Variants in MED4 observed in about 807,000 individuals in gnomAD.
MED4 encodes mediator of RNA polymerase II transcription subunit 4.
MED4 carries 21 observed loss-of-function variants against 35.0 expected under a neutral mutation model. That is an observed-to-expected ratio of 0.60 (90% CI 0.43 to 0.86). The LOEUF (loss-of-function observed/expected upper bound fraction) is 0.86. MED4 is among the 40% of genes least tolerant of loss of function. The pLI is 0.00. For missense variants in MED4, 300 were observed against 319.4 expected (o/e 0.94, Z 0.46); for synonymous variants, 138 against 114.0 (o/e 1.21, Z -1.34).
In MED4 at chr13:48,079,971, G is replaced by C; in HGVS notation, c.513C>G (p.Asp171Glu). The change falls in exon 6 of 7, where the codon GAC (aspartate) becomes GAG (glutamate). Residue 171 changes from aspartate (D) to glutamate (E), a missense_variant. By Grantham distance (45) the Asp-to-Glu change is conservative (BLOSUM62 2). Coordinates refer to ENST00000258648, the MANE Select transcript of MED4 (RefSeq NM_014166.4). Reference protein sequence around the residue: ...VCAPLTWVPGDPRRPYPTDLE... With the variant: ...VCAPLTWVPGEPRRPYPTDLE... ...AATCAGTTGGGTAGGGTCTCCGGGG[G>C]TCCCCTAAAACAATAAAGACTGCAT... 1 of 1,612,318 alleles carries C rather than the reference G, an allele frequency of 6.2e-7. No individual in the cohort carries two copies. Among genetic ancestry groups the C allele is most frequent in the Non-Finnish European group, 8.5e-7 (1 of 1,179,116 alleles).
rs533577766 is a variant in MED4 at position 48,083,286 on chromosome 13, G to A, written c.421+85C>T. The A allele has an allele frequency of 1.7e-5, 17 of 1,026,950 alleles. No homozygotes were observed. The East Asian group carries it at 4.3e-4, about 26-fold the overall frequency. 63.6% of individuals were successfully genotyped at this position (1,026,950 alleles called of 1,614,324 possible). On this transcript the variant is annotated intron_variant, in intron 4 of 6. Transcript: ENST00000258648. ...CTGAATCTTTTCAACAGCAGCAAATGATTATCAGTAATATCCTCTTGTATT... is the reference window on the plus strand; with the variant it reads ...CTGAATCTTTTCAACAGCAGCAAATAATTATCAGTAATATCCTCTTGTATT...
chr13:48,079,833 C>T lies in MED4; in HGVS notation c.640+11G>A. The T allele has an allele frequency of 1.2e-6, 2 of 1,612,722 alleles. No individual in the cohort carries two copies. The highest frequency in any genetic ancestry group is 1.7e-6 in the Non-Finnish European group (2 of 1,179,096). ...TGATCTGTTTGAAAACACTCTTCGG[C>T]TTAACATTACCTGGCAATCTTCCTG... On this transcript the variant is annotated intron_variant, in intron 6 of 6. Transcript: ENST00000258648.
In MED4 at chr13:48,083,570, G is replaced by A. The variant is rs572352545; in HGVS notation, c.364-142C>T. The stretch of plus-strand genomic sequence containing the variant: ...CCCAACAATTTATTTGTAATGTTCT[G>A]AAATACCACTTGACATTATTTATTT... On this transcript the variant is annotated intron_variant, in intron 3 of 6. Coordinates refer to ENST00000258648, the MANE Select transcript of MED4 (RefSeq NM_014166.4). 368 of 584,168 alleles carry A rather than the reference G, an allele frequency of 6.3e-4. 1 individual carries two copies. Among genetic ancestry groups the A allele is most frequent in the Non-Finnish European group, 1.3e-4 (45 of 337,658 alleles). 36.2% of individuals were successfully genotyped at this position (584,168 alleles called of 1,614,324 possible).
At chr13:48,093,078 C>T (rs1345672254) in intron 1 of MED4, among the ~76,000 whole-genome samples, 8 of 152,206 alleles carry the variant, frequency 5.3e-5, no homozygotes, top group Non-Finnish European at 1.2e-4. Flanking sequence ...AAGGTGCATT[C>T]CCAGCATACT....
chr13:48,091,831 C>T (rs886890993), intron 1 of MED4, among the ~76,000 whole-genome samples: 3 of 152,114 alleles, frequency 2.0e-5, no homozygotes, highest in Non-Finnish European at 4.4e-5. Flanking sequence ...AGTGGGTTGG[C>T]TACTTCAATA....
intron 2 of MED4, among the ~76,000 whole-genome samples, chr13:48,089,902 C>T (rs888678181): frequency 6.6e-6 from 1 of 152,182 alleles, no homozygotes; most frequent in Non-Finnish European, 1.5e-5. Context: ...TACTTTCACC[C>T]CTATAAGGCA....
At chr13:48,090,069 A>G (rs1303546659) in intron 2 of MED4, among the ~76,000 whole-genome samples, 1 of 152,216 alleles carries the variant, frequency 6.6e-6, no homozygotes, top group Non-Finnish European at 1.5e-5. Context: ...GTTAATTCAA[A>G]GGACAAAAAT....
intron 1 of MED4, 88 bp downstream of exon 1, chr13:48,094,866 C>A: frequency 2.6e-6 from 4 of 1,555,474 alleles, no homozygotes; most frequent in East Asian, 2.3e-5. Context: ...CGCCGAACCC[C>A]GAGAACGAGC....
chr13:48,086,450 G>A lies in MED4; in HGVS notation c.195C>T (p.Val65=), dbSNP rs1950849469. The A allele has an allele frequency of 6.2e-7, 1 of 1,612,528 alleles. No individual in the cohort carries two copies. Residue 65 remains valine (V), a splice_region_variant and synonymous_variant, in exon 3 of 7, where the codon GTC becomes GTT. Transcript: ENST00000258648. Reference sequence around the variant, plus strand: ...CATCTCGGTGAATTAACAACTCCAGGACCTGTCAGATAACAGTCAATTAAA... The same window carrying A: ...CATCTCGGTGAATTAACAACTCCAGAACCTGTCAGATAACAGTCAATTAAA... The part of the protein sequence containing the change: ...KLLQAGEENQ[V]LELLIHRDGE...
chr13:48,089,841 C>T (rs1243075022), intron 2 of MED4, among the ~76,000 whole-genome samples: 2 of 152,176 alleles, frequency 1.3e-5, no homozygotes, highest in African/African-American at 2.4e-5. Context: ...TCTGTTCACC[C>T]ACCATGGAAA....
chr13:48,087,622 T>C (rs987221253), intron 2 of MED4, among the ~76,000 whole-genome samples: 2 of 151,726 alleles, frequency 1.3e-5, no homozygotes, highest in Admixed American at 1.3e-4. Flanking sequence ...GAGGCCGAGG[T>C]AGGCGGATCA....
chr13:48,080,311 C>T (rs1009225518), intron 5 of MED4, among the ~76,000 whole-genome samples: 2 of 147,744 alleles, frequency 1.4e-5, no homozygotes, highest in South Asian at 2.2e-4. Flanking sequence ...GCAGGAGAAT[C>T]GCTTGAACCC....
chr13:48,091,450 T>C (rs951629195), intron 1 of MED4, among the ~76,000 whole-genome samples: 4 of 152,254 alleles, frequency 2.6e-5, no homozygotes, highest in Admixed American at 2.6e-4. Context: ...ACTTTCTCAC[T>C]GGCTACCAGG....
chr13:48,094,468 T>C (rs1161540608), intron 1 of MED4, among the ~76,000 whole-genome samples: 1 of 152,126 alleles, frequency 6.6e-6, no homozygotes, highest in Non-Finnish European at 1.5e-5. Context: ...GCCTAGTGAG[T>C]TTGGCGAGCT....
chr13:48,079,716 G>T, intron 6 of MED4, 128 bp downstream of exon 6: 1 of 1,138,794 alleles, frequency 8.8e-7, no homozygotes, highest in Non-Finnish European at 1.2e-6. Flanking sequence ...TAACAAGACT[G>T]TCTCAAATTT....
In MED4 at chr13:48,094,988, G is replaced by GT; in HGVS notation, c.90_91insA (p.Leu31ThrfsTer5). ...ACCTCCAAGTCCTCAAGCGCAGACA[G>GT]CAGCCGCTCTCGTGTGCTGTTACCA... On this transcript the variant is annotated frameshift_variant, in exon 1 of 7. Coordinates refer to ENST00000258648, the MANE Select transcript of MED4 (RefSeq NM_014166.4). LOFTEE classifies it high-confidence loss of function. 2 of 1,604,068 alleles carry GT rather than the reference G, an allele frequency of 1.2e-6. No homozygotes were observed. The highest frequency in any genetic ancestry group is 1.7e-6 in the Non-Finnish European group (2 of 1,179,816).
chr13:48,090,183 T>C (rs909918728), intron 2 of MED4, among the ~76,000 whole-genome samples, 169 bp downstream of exon 2: 1 of 152,116 alleles, frequency 6.6e-6, no homozygotes, highest in Non-Finnish European at 1.5e-5. Flanking sequence ...CTTAAGTAAA[T>C]GATACAAAGA....
intron 1 of MED4, among the ~76,000 whole-genome samples, chr13:48,093,882 G>A (rs11838539): frequency 0.064 from 9,721 of 152,216 alleles, 476 homozygotes; most frequent in South Asian, 0.14. Context: ...AATACAACAG[G>A]TAAGATTTAT....
chr13:48,078,956 G>A (rs1186643750), intron 6 of MED4, among the ~76,000 whole-genome samples: 1 of 151,902 alleles, frequency 6.6e-6, no homozygotes, highest in African/African-American at 2.4e-5. Flanking sequence ...CCTCAGAAAG[G>A]GTATATTTTT....
Sources: gnomAD v4.1 joint callset for allele counts (sites outside exome capture counted in the v4.1 genomes callset) on GRCh38, gnomAD v4.1.1 for gene constraint, MANE v1.5 for transcripts, NCBI Gene and HGNC (gene_info 2026-07-23, HGNC 2026-07-21) for gene names.